Variants in SLC8A1 observed in about 807,000 individuals in gnomAD.
SLC8A1 encodes sodium/calcium exchanger 1.
In SLC8A1, 18 loss-of-function variants were observed where a neutral mutation model predicts 68.3. That is an observed-to-expected ratio of 0.26 (90% CI 0.18 to 0.39). The LOEUF is 0.39. Among genes scored for constraint, SLC8A1 ranks in the 10% least tolerant of loss-of-function variants. The pLI is 1.00. For missense variants in SLC8A1, 985 were observed against 1,156.7 expected (o/e 0.85, Z 2.15); for synonymous variants, 475 against 415.5 (o/e 1.14, Z -1.74).
At chr2:40,372,944 T>C (rs1294513911) in intron 2 of SLC8A1, among the ~76,000 whole-genome samples, 1 of 151,868 alleles carries the variant, frequency 6.6e-6, no homozygotes, top group Admixed American at 6.6e-5. Context: ...AGAGGTATTA[T>C]GGGAACACAA....
At chr2:40,484,814 G>C (rs1704850256) in intron 1 of SLC8A1, among the ~76,000 whole-genome samples, 2 of 152,190 alleles carry the variant, frequency 1.3e-5, no homozygotes, top group Admixed American at 1.3e-4. Context: ...AGCTGGTGGA[G>C]GGTCATGTTA....
chr2:40,215,224 G>C (rs1229240548), intron 2 of SLC8A1, among the ~76,000 whole-genome samples: 1 of 152,066 alleles, frequency 6.6e-6, no homozygotes, highest in African/African-American at 2.4e-5. Flanking sequence ...GGGGTGAAGT[G>C]GTGTGTTCAT....
At chr2:40,194,506 T>TGCGC (rs111376875) in intron 2 of SLC8A1, among the ~76,000 whole-genome samples, 14 of 131,934 alleles carry the variant, frequency 1.1e-4, no homozygotes, top group African/African-American at 3.5e-4. Context: ...TGTGTGTGTG[T>TGCGC]GCGCGCGCAA....
At chr2:40,104,710 C>T (rs917673124) in exon 8 of SLC8A1, 9 of 152,082 alleles carry the variant, frequency 5.9e-5, no homozygotes, top group African/African-American at 1.9e-4. Flanking sequence ...TAATATAATA[C>T]TTTGCACAAA....
At chr2:40,152,615 C>T (rs1447990808) in intron 6 of SLC8A1, among the ~76,000 whole-genome samples, 4 of 151,344 alleles carry the variant, frequency 2.6e-5, no homozygotes, top group East Asian at 1.9e-4. Context: ...AGAGTTTCGC[C>T]GTGTAGACCA....
chr2:40,232,783 A>G (rs866261827), intron 2 of SLC8A1, among the ~76,000 whole-genome samples: 26 of 117,476 alleles, frequency 2.2e-4, no homozygotes, highest in East Asian at 6.9e-4. Context: ...AGAGTGTGAT[A>G]TTCCCCTTCC....
At chr2:40,343,702 G>A (rs1339440804) in intron 2 of SLC8A1, among the ~76,000 whole-genome samples, 1 of 152,102 alleles carries the variant, frequency 6.6e-6, no homozygotes, top group East Asian at 1.9e-4. Context: ...CATAAGTTCT[G>A]TAGTGTAAAG....
intron 1 of SLC8A1, among the ~76,000 whole-genome samples, chr2:40,471,426 G>T (rs993060247): frequency 3.3e-5 from 5 of 152,016 alleles, no homozygotes; most frequent in African/African-American, 9.7e-5. Context: ...ATATGAGGCT[G>T]GAATAGATGA....
At chr2:40,426,809 C>T (rs190290255) in intron 2 of SLC8A1, among the ~76,000 whole-genome samples, 42 of 151,998 alleles carry the variant, frequency 2.8e-4, no homozygotes, top group African/African-American at 9.2e-4. Flanking sequence ...CTATCTACTA[C>T]AGAAGGGTTC....
chr2:40,217,769 T>C (rs533697370), intron 2 of SLC8A1, among the ~76,000 whole-genome samples: 4 of 152,192 alleles, frequency 2.6e-5, no homozygotes, highest in Admixed American at 6.5e-5. Flanking sequence ...AATCACAACA[T>C]TGACACACAT....
At chr2:40,511,965 GAC>G (rs1306184021) in intron 1 of SLC8A1, among the ~76,000 whole-genome samples, 2 of 152,102 alleles carry the variant, frequency 1.3e-5, no homozygotes, top group African/African-American at 4.8e-5. Context: ...CAAGGAAAAA[GAC>G]AAATCCCACC....
At chr2:40,231,952 G>T (rs755112288) in intron 2 of SLC8A1, among the ~76,000 whole-genome samples, 1 of 152,150 alleles carries the variant, frequency 6.6e-6, no homozygotes, top group Non-Finnish European at 1.5e-5. Context: ...ACGAGGAACT[G>T]GAGGTGTGAG....
At chr2:40,463,368 T>C (rs1703455424) in intron 1 of SLC8A1, among the ~76,000 whole-genome samples, 1 of 152,318 alleles carries the variant, frequency 6.6e-6, no homozygotes, top group South Asian at 2.1e-4. Flanking sequence ...ATAAGCATAG[T>C]ACGTGTTGAA....
chr2:40,487,697 T>C (rs1477518102), intron 1 of SLC8A1, among the ~76,000 whole-genome samples: 1 of 152,206 alleles, frequency 6.6e-6, no homozygotes, highest in African/African-American at 2.4e-5. Flanking sequence ...CCCACTACTT[T>C]AGTGTTCACT....
At chr2:40,427,787 G>A (rs188813620) in intron 2 of SLC8A1, among the ~76,000 whole-genome samples, 150 of 152,220 alleles carry the variant, frequency 9.9e-4, no homozygotes, top group South Asian at 2.9e-3. Context: ...CTCCATCACT[G>A]TATCAGTGGG....
intron 6 of SLC8A1, among the ~76,000 whole-genome samples, chr2:40,153,048 C>T (rs964593072): frequency 5.3e-5 from 8 of 151,554 alleles, no homozygotes; most frequent in African/African-American, 9.7e-5. Flanking sequence ...CATTTCAAAC[C>T]GAGAAAATGT....
chr2:40,200,185 TATATATTTATATATATATA>T (rs2053900667), intron 2 of SLC8A1, among the ~76,000 whole-genome samples: 1 of 10,356 alleles, frequency 9.7e-5, no homozygotes, highest in Admixed American at 1.7e-3. Flanking sequence ...TATATATATA[TATATATTTATATATATATA>T]TAAATATATA....
In SLC8A1 at chr2:40,252,050, G is replaced by GCAAA. The variant is rs1325873603; in HGVS notation, c.1809-74199_1809-74196dup. On this transcript the variant is annotated intron_variant, in intron 2 of 7. Transcript: ENST00000406785. ...GATTACAAATCTGCTAAATTGTTGAGCAAACAATAAATGGTTAATCAGTGT... is the reference window on the plus strand; with the variant it reads ...GATTACAAATCTGCTAAATTGTTGAGCAAACAAACAATAAATGGTTAATCAGTGT... Among the ~76,000 whole-genome samples, 3 of 152,192 alleles carry GCAAA rather than the reference G, an allele frequency of 2.0e-5. No individual in the cohort carries two copies. The East Asian group carries it at 5.8e-4, about 29-fold the overall frequency.
chr2:40,408,195 T>A (rs960803943), intron 2 of SLC8A1, among the ~76,000 whole-genome samples: 2 of 152,212 alleles, frequency 1.3e-5, no homozygotes, highest in Non-Finnish European at 2.9e-5. Flanking sequence ...CAAATATAGT[T>A]CAATACATTT....
Sources: allele counts gnomAD v4.1 joint callset (sites outside exome capture counted in the v4.1 genomes callset), GRCh38; gene constraint gnomAD v4.1.1; transcripts MANE v1.5; gene names NCBI Gene and HGNC (gene_info 2026-07-23, HGNC 2026-07-21).